SEPTIN14: variants seen among roughly 807,000 people sequenced by gnomAD.
The protein encoded by SEPTIN14 is septin 14.
SEPTIN14 carries 40 observed loss-of-function variants against 53.6 expected under a neutral mutation model. The observed-to-expected ratio is 0.75, with a 90% CI of 0.58 to 0.97. SEPTIN14 has a LOEUF of 0.97. Among genes scored for constraint, SEPTIN14 ranks in the 50% least tolerant of loss-of-function variants. The pLI is 0.00. For synonymous variants in SEPTIN14, 138 were observed against 166.8 expected, an observed-to-expected ratio of 0.83 and a Z score of 1.33; for missense variants, 471 against 508.2, an observed-to-expected ratio of 0.93 and a Z score of 0.70.
At chr7:55,809,748 C>T (rs1788668652) in intron 7 of SEPTIN14, among the ~76,000 whole-genome samples, 1 of 148,476 alleles carries the variant, frequency 6.7e-6, no homozygotes, top group Non-Finnish European at 1.5e-5. Flanking sequence ...TGCACATGTA[C>T]CCCTGAACCT....
At chr7:55,851,640 A>G (rs1789516246) in intron 2 of SEPTIN14, among the ~76,000 whole-genome samples, 1 of 152,172 alleles carries the variant, frequency 6.6e-6, no homozygotes, top group African/African-American at 2.4e-5. Flanking sequence ...TATCATTAAA[A>G]TGTTCATACC....
intron 9 of SEPTIN14, among the ~76,000 whole-genome samples, chr7:55,797,597 C>T (rs542600988): frequency 5.3e-5 from 8 of 152,264 alleles, no homozygotes; most frequent in African/African-American, 1.7e-4. Flanking sequence ...CATGTTTCCT[C>T]GACAAACAAA....
intron 7 of SEPTIN14, among the ~76,000 whole-genome samples, chr7:55,809,411 A>C (rs1451827158): frequency 1.4e-5 from 2 of 147,192 alleles, no homozygotes; most frequent in African/African-American, 5.1e-5. Context: ...GCTGGAGTGC[A>C]ATGGCACGAT....
chr7:55,795,640 G>A lies in SEPTIN14; in HGVS notation c.*273C>T. ...CGGCCACCAAACCCAGCTAATTTTT[G>A]TATTTTTAGTAGAGGCAGGGTTTCA... On this transcript the variant is annotated 3_prime_UTR_variant, in exon 10 of 10. Coordinates refer to ENST00000388975, the MANE Select transcript of SEPTIN14 (RefSeq NM_207366.3). The A allele has an allele frequency of 2.7e-6, 1 of 368,776 alleles. No individual in the cohort carries two copies. 22.8% of individuals were successfully genotyped at this position (368,776 alleles called of 1,614,324 possible). A position where few individuals can be genotyped will look rare whatever the true frequency, so the allele number is the denominator to read the frequency against.
chr7:55,857,163 G>A (rs1789645689), intron 2 of SEPTIN14, among the ~76,000 whole-genome samples: 2 of 150,112 alleles, frequency 1.3e-5, no homozygotes, highest in Non-Finnish European at 3.0e-5. Context: ...ACCTGAGGTC[G>A]GGAGTTTGAG....
intron 5 of SEPTIN14, among the ~76,000 whole-genome samples, chr7:55,835,812 G>A (rs1280080056): frequency 3.9e-5 from 6 of 152,094 alleles, no homozygotes; most frequent in South Asian, 2.1e-4. Context: ...GCGCAATCTA[G>A]GCTCAGGGCA....
chr7:55,802,406 G>C (rs551137107), intron 9 of SEPTIN14, among the ~76,000 whole-genome samples: 17 of 152,272 alleles, frequency 1.1e-4, no homozygotes, highest in African/African-American at 4.1e-4. Context: ...GCCAACATTT[G>C]TGATGAGCCA....
At chr7:55,862,385 G>C (rs900598559) in intron 1 of SEPTIN14, among the ~76,000 whole-genome samples, 1 of 151,570 alleles carries the variant, frequency 6.6e-6, no homozygotes, top group African/African-American at 2.4e-5. Flanking sequence ...AACAAAACAA[G>C]ACACTCACAA....
At chr7:55,800,791 C>T (rs997962121) in intron 9 of SEPTIN14, among the ~76,000 whole-genome samples, 1 of 152,046 alleles carries the variant, frequency 6.6e-6, no homozygotes, top group Non-Finnish European at 1.5e-5. Flanking sequence ...GGTCACTATA[C>T]ACAATAATAA....
chr7:55,830,145 T>C lies in SEPTIN14; in HGVS notation c.720+4280A>G, dbSNP rs192515368. Among the ~76,000 whole-genome samples the C allele has an allele frequency of 9.7e-5, 14 of 144,928 alleles. No homozygotes were observed. The East Asian group carries it at 2.9e-3, about 30-fold the overall frequency. On this transcript the variant is annotated intron_variant, in intron 6 of 9. Coordinates refer to ENST00000388975, the MANE Select transcript of SEPTIN14 (RefSeq NM_207366.3). ...GTGAGCAGAGATCGCACCGCTGCACTCCAGCCTGGGCGACAGAGCGAGACT... is the reference window on the plus strand; with the variant it reads ...GTGAGCAGAGATCGCACCGCTGCACCCCAGCCTGGGCGACAGAGCGAGACT...
At position 55,849,180 on chromosome 7, in the gene SEPTIN14, C is replaced by T. The variant is rs973535819; in HGVS notation, c.55-2543G>A. Among the ~76,000 whole-genome samples, 6 of 151,486 alleles carry T rather than the reference C, an allele frequency of 4.0e-5. No homozygotes were observed. In the East Asian group the frequency reaches 1.2e-3, roughly 30 times the overall value. ...TCTCTACTAAATATACAAAAATGAACCCGGCATGGTGGCAGGAGCCTGTAA... is the reference window on the plus strand; with the variant it reads ...TCTCTACTAAATATACAAAAATGAATCCGGCATGGTGGCAGGAGCCTGTAA... On this transcript the variant is annotated intron_variant, in intron 2 of 9. Transcript: ENST00000388975.
chr7:55,840,490 G>A (rs1464733474), intron 5 of SEPTIN14, among the ~76,000 whole-genome samples: 4 of 149,528 alleles, frequency 2.7e-5, no homozygotes, highest in African/African-American at 9.8e-5. Flanking sequence ...ACTCCGTCTC[G>A]AAAAAAAAAG....
chr7:55,798,148 T>G (rs1385778381), intron 9 of SEPTIN14: 1 of 201,948 alleles, frequency 5.0e-6, no homozygotes, highest in Non-Finnish European at 1.0e-5. Flanking sequence ...CCCCTGGTAC[T>G]CCATCTCCTT....
At chr7:55,804,315 G>A (rs1429937124) in intron 9 of SEPTIN14, among the ~76,000 whole-genome samples, 2 of 150,064 alleles carry the variant, frequency 1.3e-5, no homozygotes, top group African/African-American at 4.9e-5. Flanking sequence ...GCTGGAGGCA[G>A]TGGCACCATC....
chr7:55,834,404 A>C, intron 6 of SEPTIN14, 21 bp downstream of exon 6: 1 of 1,577,414 alleles, frequency 6.3e-7, no homozygotes, highest in Non-Finnish European at 8.6e-7. Flanking sequence ...CCTCTTTGTC[A>C]GATATGTTAC....
intron 2 of SEPTIN14, among the ~76,000 whole-genome samples, chr7:55,855,087 C>A (rs879375958): frequency 1.3e-4 from 19 of 151,520 alleles, no homozygotes; most frequent in Non-Finnish European, 2.2e-4. Flanking sequence ...CGGCTCACTG[C>A]AAGCTCTGCC....
At chr7:55,831,869 T>C (rs1454217597) in intron 6 of SEPTIN14, among the ~76,000 whole-genome samples, 1 of 151,776 alleles carries the variant, frequency 6.6e-6, no homozygotes, top group Non-Finnish European at 1.5e-5. Context: ...ACATGAAAAA[T>C]TGCTCAACAT....
intron 8 of SEPTIN14, among the ~76,000 whole-genome samples, chr7:55,806,644 G>A (rs1479652035): frequency 6.6e-6 from 1 of 150,462 alleles, no homozygotes; most frequent in Non-Finnish European, 1.5e-5. Context: ...TGTATTTTTA[G>A]TAGACACAGG....
chr7:55,812,607 T>C (rs1258920998), intron 7 of SEPTIN14, among the ~76,000 whole-genome samples: 1 of 152,162 alleles, frequency 6.6e-6, no homozygotes, highest in African/African-American at 2.4e-5. Context: ...GGTAGCTGAA[T>C]AGAACCTCTC....
Sources: allele counts gnomAD v4.1 joint callset (sites outside exome capture counted in the v4.1 genomes callset), GRCh38; gene constraint gnomAD v4.1.1; transcripts MANE v1.5; gene names NCBI Gene and HGNC (gene_info 2026-07-23, HGNC 2026-07-21).